Variants in KLF12 observed in about 807,000 individuals in gnomAD.
KLF12 encodes the protein KLF transcription factor 12, also known as Krueppel-like factor 12.
In KLF12, 9 loss-of-function variants were observed where a neutral mutation model predicts 37.8. The observed-to-expected ratio is 0.24, with a 90% confidence interval of 0.14 to 0.42. The LOEUF (loss-of-function observed/expected upper bound fraction) is 0.42, where lower values mean the gene tolerates loss of function less well. Ranked by LOEUF, KLF12 falls within the 10% of genes least tolerant of loss-of-function variation. KLF12 has a pLI of 1.00. For synonymous variants in KLF12, 208 were observed against 202.1 expected (o/e 1.03, Z -0.25); for missense variants, 411 against 516.0 (o/e 0.80, Z 1.97).
At chr13:73,723,933 C>T (rs1876467447) in intron 6 of KLF12, among the ~76,000 whole-genome samples, 1 of 152,256 alleles carries the variant, frequency 6.6e-6, no homozygotes, top group South Asian at 2.1e-4. Flanking sequence ...GAACACTACA[C>T]TGTTGGTGGG....
At chr13:74,008,062 G>A (rs997088126) in intron 1 of KLF12, among the ~76,000 whole-genome samples, 8 of 152,172 alleles carry the variant, frequency 5.3e-5, no homozygotes, top group Admixed American at 5.2e-4. Flanking sequence ...TGACTTTGGG[G>A]ATGGTAATGT....
chr13:74,059,229 A>C (rs766607934), intron 1 of KLF12, among the ~76,000 whole-genome samples: 32 of 152,214 alleles, frequency 2.1e-4, no homozygotes, highest in Non-Finnish European at 3.4e-4. Flanking sequence ...GCTATTGTGA[A>C]TAGTGCTGCG....
chr13:73,799,541 CT>C, intron 5 of KLF12, among the ~76,000 whole-genome samples: 1 of 152,196 alleles, frequency 6.6e-6, no homozygotes, highest in Non-Finnish European at 1.5e-5. Flanking sequence ...ACTGGCTACT[CT>C]CTCATTATAA....
intron 1 of KLF12, among the ~76,000 whole-genome samples, chr13:74,004,723 T>C (rs1892366765): frequency 6.6e-6 from 1 of 152,224 alleles, no homozygotes; most frequent in Non-Finnish European, 1.5e-5. Flanking sequence ...AATCTGAGAT[T>C]ATTTGAAATC....
chr13:73,802,003 A>G (rs778267767), intron 5 of KLF12: 1 of 152,158 alleles, frequency 6.6e-6, no homozygotes, highest in Non-Finnish European at 1.5e-5. Context: ...CAATAAATCA[A>G]CACTTAACCC....
chr13:73,926,444 C>G (rs1889379935), intron 3 of KLF12, among the ~76,000 whole-genome samples: 1 of 152,102 alleles, frequency 6.6e-6, no homozygotes, highest in Non-Finnish European at 1.5e-5. Flanking sequence ...TGGTCTTGCA[C>G]ACTTAATAGA....
chr13:73,734,787 G>T (rs919287240), intron 6 of KLF12, among the ~76,000 whole-genome samples: 1 of 152,000 alleles, frequency 6.6e-6, no homozygotes, highest in African/African-American at 2.4e-5. Flanking sequence ...AAATTATATC[G>T]AGTGTTTTCA....
chr13:73,793,399 G>C (rs1042821023), intron 5 of KLF12, among the ~76,000 whole-genome samples: 2 of 152,158 alleles, frequency 1.3e-5, no homozygotes, highest in African/African-American at 4.8e-5. Flanking sequence ...TCATTAAAAT[G>C]ATCCCCAAAC....
chr13:74,207,112 G>A, the KLF12 span, among the ~76,000 whole-genome samples: 2 of 152,172 alleles, frequency 1.3e-5, no homozygotes, highest in Admixed American at 1.3e-4. Context: ...GGTTGAGAGA[G>A]TACAAGAAGA....
chr13:74,084,836 G>A (rs1875163788), intron 1 of KLF12, among the ~76,000 whole-genome samples: 1 of 151,810 alleles, frequency 6.6e-6, no homozygotes, highest in Admixed American at 6.6e-5. Flanking sequence ...AAAAAAAAGG[G>A]ATGGGAACAT....
chr13:73,903,024 T>C (rs1482464092), intron 3 of KLF12, among the ~76,000 whole-genome samples: 3 of 152,242 alleles, frequency 2.0e-5, no homozygotes, highest in African/African-American at 4.8e-5. Flanking sequence ...AGTTCTCCTG[T>C]ATGTGGCACT....
the KLF12 span, among the ~76,000 whole-genome samples, chr13:74,205,558 A>G: frequency 6.6e-6 from 1 of 152,202 alleles, no homozygotes; most frequent in African/African-American, 2.4e-5. Flanking sequence ...CTTAGCAAAC[A>G]CAATCTTGGA....
chr13:73,718,044 T>C (rs1270211900), intron 6 of KLF12, among the ~76,000 whole-genome samples: 2 of 152,262 alleles, frequency 1.3e-5, no homozygotes, highest in Non-Finnish European at 2.9e-5. Flanking sequence ...ATTTGTTTTC[T>C]GCAAGTTATA....
intron 6 of KLF12, among the ~76,000 whole-genome samples, chr13:73,717,273 C>A (rs984857392): frequency 8.5e-5 from 13 of 152,114 alleles, no homozygotes; most frequent in Non-Finnish European, 1.8e-4. Flanking sequence ...GAATCTGAGA[C>A]CAACCTAGGC....
At chr13:73,890,989 T>C (rs1024308587) in intron 3 of KLF12, among the ~76,000 whole-genome samples, 1 of 152,074 alleles carries the variant, frequency 6.6e-6, no homozygotes, top group African/African-American at 2.4e-5. Flanking sequence ...GGTTTCTCCT[T>C]AAAGAACAAA....
chr13:74,031,760 T>A (rs1399971983), intron 1 of KLF12, among the ~76,000 whole-genome samples: 1 of 151,346 alleles, frequency 6.6e-6, no homozygotes, highest in East Asian at 2.0e-4. Context: ...AACTTATGAT[T>A]TAGTGTTCCA....
At chr13:73,941,212 G>A (rs956820853) in intron 3 of KLF12, among the ~76,000 whole-genome samples, 1 of 152,110 alleles carries the variant, frequency 6.6e-6, no homozygotes, top group African/African-American at 2.4e-5. Flanking sequence ...ACACAGACAA[G>A]TTTCTATCGC....
At chr13:74,001,829 A>G (rs1255126100) in intron 1 of KLF12, among the ~76,000 whole-genome samples, 1 of 152,256 alleles carries the variant, frequency 6.6e-6, no homozygotes, top group Non-Finnish European at 1.5e-5. Context: ...CAAATGGTAC[A>G]TGCTTAATTA....
At chr13:74,226,149 G>A in the KLF12 span, among the ~76,000 whole-genome samples, 3 of 152,028 alleles carry the variant, frequency 2.0e-5, no homozygotes, top group Non-Finnish European at 4.4e-5. Context: ...GGATGGCCTC[G>A]AGGAGACAAA....
Sources: gnomAD v4.1 joint callset for allele counts (sites outside exome capture counted in the v4.1 genomes callset) on GRCh38, gnomAD v4.1.1 for gene constraint, MANE v1.5 for transcripts, NCBI Gene and HGNC (gene_info 2026-07-23, HGNC 2026-07-21) for gene names.